Variants in KIAA0586 observed in about 807,000 individuals in gnomAD.
The protein encoded by KIAA0586 is KIAA0586.
In KIAA0586, 144 loss-of-function variants were observed where a neutral mutation model predicts 169.8. The ratio of observed to expected loss-of-function variants is 0.85; its 90% CI spans 0.74 to 0.97. The LOEUF is 0.97. Ranked by LOEUF, KIAA0586 falls within the 50% of genes least tolerant of loss-of-function variation. The probability of loss-of-function intolerance (pLI) is 0.00; values close to 1 mark genes in which losing one functional copy is unlikely to be tolerated. For missense variants in KIAA0586, 1,854 were observed against 1,823.0 expected (o/e 1.02, Z -0.31); for synonymous variants, 625 against 612.4 (o/e 1.02, Z -0.30).
intron 20 of KIAA0586, among the ~76,000 whole-genome samples, chr14:58,481,034 G>A (rs2041997367): frequency 6.6e-6 from 1 of 152,144 alleles, no homozygotes; most frequent in South Asian, 2.1e-4. Context: ...CTCAAAGAAT[G>A]AATTATGGAA....
At chr14:58,547,682 G>T in intron 30 of KIAA0586, 99 bp from the exon 31 acceptor site, 1 of 964,700 alleles carries the variant, frequency 1.0e-6, no homozygotes, top group East Asian at 3.0e-5. Context: ...TTTGGAATCC[G>T]CGCCCCCCCA....
intron 9 of KIAA0586, among the ~76,000 whole-genome samples, chr14:58,456,195 G>A (rs1241291740): frequency 6.6e-6 from 1 of 152,088 alleles, no homozygotes; most frequent in Non-Finnish European, 1.5e-5. Context: ...CCACAGAGTT[G>A]GGAATAGGGT....
intron 4 of KIAA0586, chr14:58,440,265 G>A: frequency 2.4e-6 from 1 of 416,558 alleles, no homozygotes; most frequent in Non-Finnish European, 4.8e-6. Context: ...GCTTTGCTCT[G>A]CTCTGCTTTT....
At position 58,482,736 on chromosome 14, in the gene KIAA0586, T is replaced by C. The variant is rs774461767; in HGVS notation, c.3144+24T>C. The C allele has an allele frequency of 9.4e-6, 14 of 1,482,970 alleles. No homozygotes were observed. The South Asian group carries it at 1.8e-4, about 19-fold the overall frequency. The allele number at this position is 1,482,970 out of a possible 1,614,324, so 91.9% of individuals were successfully genotyped here. On this transcript the variant is annotated intron_variant, in intron 21 of 30. Coordinates refer to ENST00000652326, the MANE Select transcript of KIAA0586 (RefSeq NM_001329943.3). Reference sequence around the variant, plus strand: ...CGGTATGGGGAATTTTTGAGACATTTATTGAAGAATAGTAAAATAGATGAA... The same window carrying C: ...CGGTATGGGGAATTTTTGAGACATTCATTGAAGAATAGTAAAATAGATGAA...
Position 58,496,253 on chromosome 14 carries a change from T to C in KIAA0586, c.3991-2530T>C, listed in dbSNP as rs898071044. Among the ~76,000 whole-genome samples, 4 of 152,198 alleles carry C rather than the reference T, an allele frequency of 2.6e-5. 1 individual carries two copies. Among genetic ancestry groups the C allele is most frequent in the Admixed American group, 2.0e-4 (3 of 15,278 alleles). The stretch of plus-strand genomic sequence containing the variant: ...ACTTAAATTGGCATGAACTTAAGCA[T>C]TGAGTATAATCCAAAACTCAGAGAT... On this transcript the variant is annotated intron_variant, in intron 26 of 30. Transcript: ENST00000652326.
intron 29 of KIAA0586, among the ~76,000 whole-genome samples, chr14:58,522,525 ATAAT>A (rs1276460638): frequency 6.6e-6 from 1 of 152,222 alleles, no homozygotes; most frequent in Non-Finnish European, 1.5e-5. Context: ...CTCTAGAAAA[ATAAT>A]TAGTGTTGTA....
chr14:58,456,393 T>C (rs375407713), intron 9 of KIAA0586, among the ~76,000 whole-genome samples: 2 of 152,206 alleles, frequency 1.3e-5, no homozygotes, highest in Non-Finnish European at 2.9e-5. Context: ...ATTTTCAGAA[T>C]TTCTTACTCC....
At chr14:58,531,326 CAA>C (rs1025870057) in intron 29 of KIAA0586, among the ~76,000 whole-genome samples, 2 of 96,100 alleles carry the variant, frequency 2.1e-5, no homozygotes, top group Non-Finnish European at 2.3e-5. Flanking sequence ...GACTCCGTCT[CAA>C]AAAAAAAAAA....
chr14:58,467,814 T>C lies in KIAA0586; in HGVS notation c.2334T>C (p.Thr778=), dbSNP rs931484393. 1.9e-6 allele frequency: 3 copies of C among 1,613,626 alleles called. No homozygotes were observed. The African/African-American group carries it at 4.0e-5, about 22-fold the overall frequency. ...AGCCACACCCTGTAACTGTGACTACTTCTATTCCTCCATCATCTCGAAAAG... is the reference window on the plus strand; with the variant it reads ...AGCCACACCCTGTAACTGTGACTACCTCTATTCCTCCATCATCTCGAAAAG... ...VSKPHPVTVT[T]SIPPSSRKVE... is the part of the protein sequence containing the mutation. The change falls in exon 16 of 31, where the codon ACT becomes ACC. Residue 778 remains threonine (T), a synonymous_variant. Transcript: ENST00000652326.
At chr14:58,504,253 A>G (rs2043780736) in intron 27 of KIAA0586, among the ~76,000 whole-genome samples, 1 of 152,188 alleles carries the variant, frequency 6.6e-6, no homozygotes, top group Admixed American at 6.5e-5. Context: ...AGGATATATA[A>G]AAAGGGAGAT....
At chr14:58,466,786 T>G (rs2040807643) in intron 15 of KIAA0586, among the ~76,000 whole-genome samples, 3 of 152,206 alleles carry the variant, frequency 2.0e-5, no homozygotes, top group African/African-American at 7.2e-5. Context: ...ATAAGTTTGA[T>G]TATCTTGTTA....
intron 27 of KIAA0586, among the ~76,000 whole-genome samples, chr14:58,506,034 A>G (rs139931429): frequency 6.8e-4 from 103 of 152,204 alleles, no homozygotes; most frequent in Non-Finnish European, 9.3e-4. Context: ...CAATTCTCTT[A>G]TTAGTTCTAA....
the KIAA0586 span, among the ~76,000 whole-genome samples, chr14:58,562,001 C>T: frequency 6.6e-6 from 1 of 152,214 alleles, no homozygotes; most frequent in African/African-American, 2.4e-5. Context: ...ATTATCTAAA[C>T]AAAGTCACGT....
In KIAA0586 at chr14:58,547,851, G is replaced by A. The variant is rs768630976; in HGVS notation, c.4566G>A (p.Val1522=). 1.2e-6 allele frequency: 2 copies of A among 1,613,660 alleles called. No homozygotes were observed. Among genetic ancestry groups the A allele is most frequent in the African/African-American group, 2.7e-5 (2 of 74,902 alleles). Residue 1522 remains valine, a synonymous_variant, in exon 31 of 31, where the codon GTG becomes GTA. Transcript: ENST00000652326. ...AGATGTCAGTGATGCTGCCGTCAGTGAACCTCGAGGACTGCTCTCAGTCTC... is the reference window on the plus strand; with the variant it reads ...AGATGTCAGTGATGCTGCCGTCAGTAAACCTCGAGGACTGCTCTCAGTCTC... ...PAKMSVMLPS[V]NLEDCSQSLS... is the part of the protein sequence containing the mutation.
intron 14 of KIAA0586, among the ~76,000 whole-genome samples, chr14:58,464,334 G>C (rs2040570892): frequency 6.6e-6 from 1 of 151,338 alleles, no homozygotes; most frequent in Non-Finnish European, 1.5e-5. Flanking sequence ...TTATCCCCCA[G>C]TTTCTTGAAT....
chr14:58,525,535 C>G (rs553507189), intron 29 of KIAA0586, among the ~76,000 whole-genome samples: 1 of 152,316 alleles, frequency 6.6e-6, no homozygotes, highest in East Asian at 1.9e-4. Flanking sequence ...GGCCCAGATA[C>G]TATGCTTTTC....
intron 29 of KIAA0586, among the ~76,000 whole-genome samples, chr14:58,535,540 T>G (rs560544059): frequency 8.5e-5 from 13 of 152,342 alleles, no homozygotes; most frequent in Admixed American, 3.3e-4. Context: ...ATATATACTT[T>G]TATGCCGCCA....
intron 7 of KIAA0586, among the ~76,000 whole-genome samples, chr14:58,448,861 G>A (rs1437324596): frequency 6.6e-6 from 1 of 151,982 alleles, no homozygotes; most frequent in Non-Finnish European, 1.5e-5. Flanking sequence ...AAATAAATCA[G>A]TTCTCCTGTT....
intron 30 of KIAA0586, among the ~76,000 whole-genome samples, chr14:58,543,531 A>G (rs1237175500): frequency 6.6e-6 from 1 of 152,044 alleles, no homozygotes; most frequent in East Asian, 1.9e-4. Flanking sequence ...ACTCCTTCCC[A>G]TACAGAAGCC....
Sources: gnomAD v4.1 joint callset for allele counts (sites outside exome capture counted in the v4.1 genomes callset) on GRCh38, gnomAD v4.1.1 for gene constraint, MANE v1.5 for transcripts, NCBI Gene and HGNC (gene_info 2026-07-23, HGNC 2026-07-21) for gene names.